The following SLC8A1 variants were observed in gnomAD, a reference collection of about 807,000 sequenced individuals.
SLC8A1 encodes sodium/calcium exchanger 1.
Under a neutral mutation model 68.3 loss-of-function variants are expected in SLC8A1, and 18 were observed. That is an observed-to-expected ratio of 0.26 (90% confidence interval 0.18 to 0.39). The LOEUF is 0.39. Ranked by LOEUF, SLC8A1 falls within the 10% of genes least tolerant of loss-of-function variation. The pLI, the probability that SLC8A1 is intolerant of heterozygous loss-of-function variation, is 1.00. For synonymous variants in SLC8A1, 475 were observed against 415.5 expected (o/e 1.14, Z -1.74); for missense variants, 985 against 1,156.7 (o/e 0.85, Z 2.15).
At chr2:40,357,001 A>G (rs1672872144) in intron 2 of SLC8A1, among the ~76,000 whole-genome samples, 1 of 152,188 alleles carries the variant, frequency 6.6e-6, no homozygotes, top group Admixed American at 6.5e-5. Context: ...TTCAGAGTAT[A>G]ATTCTAATAA....
intron 1 of SLC8A1, among the ~76,000 whole-genome samples, chr2:40,450,172 T>C (rs1035376818): frequency 1.3e-5 from 2 of 152,178 alleles, no homozygotes; most frequent in African/African-American, 4.8e-5. Flanking sequence ...TAAGCAAGTT[T>C]AGCAAACCCA....
intron 2 of SLC8A1, among the ~76,000 whole-genome samples, chr2:40,186,457 T>G (rs1288816020): frequency 6.6e-6 from 1 of 152,152 alleles, no homozygotes; most frequent in East Asian, 1.9e-4. Flanking sequence ...GCATATATTA[T>G]CATTTTCTGT....
chr2:40,499,214 C>T (rs918968306), intron 1 of SLC8A1, among the ~76,000 whole-genome samples: 2 of 151,998 alleles, frequency 1.3e-5, no homozygotes, highest in African/African-American at 2.4e-5. Context: ...CTCTGTGCTG[C>T]GTTTGCTCAC....
At chr2:40,249,320 G>C (rs750676212) in intron 2 of SLC8A1, among the ~76,000 whole-genome samples, 17 of 152,014 alleles carry the variant, frequency 1.1e-4, no homozygotes, top group Non-Finnish European at 1.9e-4. Flanking sequence ...AAAACCTTTT[G>C]AAATAAAGAG....
At chr2:40,361,300 C>T (rs1674549010) in intron 2 of SLC8A1, among the ~76,000 whole-genome samples, 1 of 152,082 alleles carries the variant, frequency 6.6e-6, no homozygotes. Context: ...GTGCCGGTTA[C>T]TTCAAGTGTC....
chr2:40,488,191 T>C (rs1312251705), intron 1 of SLC8A1, among the ~76,000 whole-genome samples: 2 of 151,160 alleles, frequency 1.3e-5, no homozygotes, highest in Non-Finnish European at 2.9e-5. Context: ...TCCAGCTTTT[T>C]CTATAACCAC....
At chr2:40,305,609 T>C (rs10210665) in intron 2 of SLC8A1, among the ~76,000 whole-genome samples, 13,596 of 152,196 alleles carry the variant, frequency 0.089, 895 homozygotes, top group African/African-American at 0.18. Flanking sequence ...ATAAGTTTGT[T>C]AGATACACAA....
chr2:40,157,412 C>T (rs2044753605), intron 6 of SLC8A1, among the ~76,000 whole-genome samples: 2 of 152,158 alleles, frequency 1.3e-5, no homozygotes, highest in Admixed American at 1.3e-4. Context: ...CACAAACCCA[C>T]ACCTGTCTCC....
At chr2:40,175,195 T>C (rs909821304) in intron 3 of SLC8A1, 66 bp downstream of exon 4, 1 of 1,476,474 alleles carries the variant, frequency 6.8e-7, no homozygotes, top group African/African-American at 1.4e-5. Flanking sequence ...AGCTACTGTA[T>C]CACCTGACGG....
At chr2:40,262,608 A>G (rs1360098981) in intron 2 of SLC8A1, among the ~76,000 whole-genome samples, 2 of 152,248 alleles carry the variant, frequency 1.3e-5, no homozygotes, top group African/African-American at 4.8e-5. Context: ...AATAAAACAT[A>G]AGGGTATGCA....
intron 2 of SLC8A1, among the ~76,000 whole-genome samples, chr2:40,238,718 A>G (rs2060790475): frequency 6.6e-6 from 1 of 152,204 alleles, no homozygotes; most frequent in African/African-American, 2.4e-5. Context: ...AGTCTATTGT[A>G]AAGTTAAGTA....
At chr2:40,502,724 C>T (rs1706126044) in intron 1 of SLC8A1, among the ~76,000 whole-genome samples, 1 of 151,934 alleles carries the variant, frequency 6.6e-6, no homozygotes, top group Admixed American at 6.6e-5. Flanking sequence ...ATTCATCAAA[C>T]ATTAATTATC....
intron 6 of SLC8A1, among the ~76,000 whole-genome samples, chr2:40,155,456 G>A (rs888206472): frequency 6.6e-6 from 1 of 152,026 alleles, no homozygotes; most frequent in African/African-American, 2.4e-5. Flanking sequence ...TGCTTAAATT[G>A]GATTTTCAGA....
intron 2 of SLC8A1, among the ~76,000 whole-genome samples, chr2:40,328,003 G>A (rs948548825): frequency 6.6e-6 from 1 of 151,814 alleles, no homozygotes; most frequent in Non-Finnish European, 1.5e-5. Flanking sequence ...AATACAGTTG[G>A]GGAAATAAGA....
At chr2:40,424,300 C>A (rs1166752397) in intron 2 of SLC8A1, among the ~76,000 whole-genome samples, 1 of 151,442 alleles carries the variant, frequency 6.6e-6, no homozygotes, top group Non-Finnish European at 1.5e-5. Context: ...GTATTTTGTT[C>A]TACTCTCAGA....
intron 4 of SLC8A1, among the ~76,000 whole-genome samples, chr2:40,171,125 T>A (rs536378267): frequency 6.6e-6 from 1 of 152,356 alleles, no homozygotes; most frequent in Admixed American, 6.5e-5. Context: ...CTCTGCCATA[T>A]GCTTGTCATC....
chr2:40,435,529 T>C (rs962703581), intron 1 of SLC8A1, among the ~76,000 whole-genome samples: 4 of 152,138 alleles, frequency 2.6e-5, no homozygotes, highest in African/African-American at 9.6e-5. Context: ...GGATGGGCTA[T>C]GAGCGGTCAC....
At chr2:40,195,492 G>A (rs149525606) in intron 2 of SLC8A1, among the ~76,000 whole-genome samples, 108 of 152,108 alleles carry the variant, frequency 7.1e-4, no homozygotes, top group African/African-American at 2.4e-3. Context: ...AGCTGAGAAA[G>A]AATTTGGAGA....
chr2:40,405,084 G>C (rs919036507), intron 2 of SLC8A1, among the ~76,000 whole-genome samples: 1 of 152,142 alleles, frequency 6.6e-6, no homozygotes, highest in South Asian at 2.1e-4. Flanking sequence ...TTTCAACAGA[G>C]GATTGGAGAC....
Sources: allele counts gnomAD v4.1 joint callset (sites outside exome capture counted in the v4.1 genomes callset), GRCh38; gene constraint gnomAD v4.1.1; transcripts MANE v1.5; gene names NCBI Gene and HGNC (gene_info 2026-07-23, HGNC 2026-07-21).